GRAP2: variants seen among roughly 807,000 people sequenced by gnomAD.
GRAP2 encodes the protein GRB2 related adaptor protein 2.
In GRAP2, 31 loss-of-function variants were observed where a neutral mutation model predicts 43.5. That is an observed-to-expected ratio of 0.71 (90% confidence interval 0.54 to 0.96). The LOEUF (loss-of-function observed/expected upper bound fraction) is 0.96, where lower values mean the gene tolerates loss of function less well. Among genes scored for constraint, GRAP2 ranks in the 40% least tolerant of loss-of-function variants. The probability of loss-of-function intolerance (pLI) is 0.00; values close to 1 mark genes in which losing one functional copy is unlikely to be tolerated. For synonymous variants in GRAP2, 156 were observed against 164.8 expected, an observed-to-expected ratio of 0.95 and a Z score of 0.41; for missense variants, 371 against 424.4, an observed-to-expected ratio of 0.87 and a Z score of 1.11.
intron 1 of GRAP2, among the ~76,000 whole-genome samples, chr22:39,929,871 C>T (rs1313073561): frequency 6.6e-6 from 1 of 152,144 alleles, no homozygotes; most frequent in Non-Finnish European, 1.5e-5. Context: ...TCTGTATTCC[C>T]TTATCTCAGA....
chr22:39,932,683 A>G (rs1050639964), intron 1 of GRAP2, among the ~76,000 whole-genome samples: 9 of 149,918 alleles, frequency 6.0e-5, no homozygotes, highest in Non-Finnish European at 8.9e-5. Context: ...GCCTCACTGC[A>G]CTCCAGCCTG....
chr22:39,898,628 C>T (rs776987163), upstream of GRAP2, among the ~76,000 whole-genome samples: 23 of 152,276 alleles, frequency 1.5e-4, no homozygotes, highest in South Asian at 1.7e-3. Context: ...GCCTGACCAA[C>T]ATGGCGAAAC....
chr22:39,905,750 G>A (rs1356686222), intron 1 of GRAP2, among the ~76,000 whole-genome samples: 1 of 152,146 alleles, frequency 6.6e-6, no homozygotes, highest in East Asian at 1.9e-4. Flanking sequence ...CGTTGCACAA[G>A]GTCACTTAAC....
intron 5 of GRAP2, among the ~76,000 whole-genome samples, chr22:39,966,836 T>C (rs897420370): frequency 6.6e-6 from 1 of 152,260 alleles, no homozygotes; most frequent in Non-Finnish European, 1.5e-5. Flanking sequence ...GTATCAGTTT[T>C]CTCATCTGTA....
chr22:39,966,289 GAGGTCAGA>G, intron 5 of GRAP2, 131 bp downstream of exon 5: 3 of 697,452 alleles, frequency 4.3e-6, no homozygotes, highest in Non-Finnish European at 7.2e-6. Context: ...TCAGAGCTCT[GAGGTCAGA>G]TCTCAACTTA....
chr22:39,912,424 G>A (rs2267415), intron 1 of GRAP2, among the ~76,000 whole-genome samples: 99,228 of 152,058 alleles, frequency 0.65, 34,026 homozygotes, highest in African/African-American at 0.88. Context: ...CTTGTCTCTG[G>A]AAAAAAAGTA....
chr22:39,938,032 A>G (rs1026300970), intron 1 of GRAP2, among the ~76,000 whole-genome samples: 1 of 152,190 alleles, frequency 6.6e-6, no homozygotes, highest in Non-Finnish European at 1.5e-5. Context: ...ATTAAAGAAG[A>G]GCAAGGTAAT....
At chr22:39,964,678 G>A (rs1460931020) in intron 4 of GRAP2, 10 of 503,286 alleles carry the variant, frequency 2.0e-5, no homozygotes, top group Admixed American at 3.7e-5. Context: ...ATTAAGTGTC[G>A]TCTTGGAGCT....
chr22:39,959,263 G>T (rs1218778625), intron 3 of GRAP2, among the ~76,000 whole-genome samples: 1 of 152,180 alleles, frequency 6.6e-6, no homozygotes, highest in East Asian at 1.9e-4. Context: ...TACATGCCAC[G>T]CTGTATGCAG....
intron 2 of GRAP2, among the ~76,000 whole-genome samples, chr22:39,950,288 C>T (rs1190612795): frequency 6.6e-6 from 1 of 152,240 alleles, no homozygotes; most frequent in Non-Finnish European, 1.5e-5. Flanking sequence ...TCACTCATTT[C>T]CAGGCACTTA....
intron 4 of GRAP2, chr22:39,964,569 A>C: frequency 2.5e-6 from 2 of 813,946 alleles, no homozygotes; most frequent in South Asian, 2.7e-5. Context: ...GCAAAAAATA[A>C]GCTGTTCCTT....
intron 2 of GRAP2, among the ~76,000 whole-genome samples, chr22:39,953,054 G>A (rs1291059530): frequency 2.0e-5 from 3 of 152,090 alleles, no homozygotes; most frequent in Admixed American, 6.6e-5. Flanking sequence ...GTTAGAAATA[G>A]GTCATCATCT....
In GRAP2 at chr22:39,962,230, C is replaced by G. The variant is rs566007249; in HGVS notation, c.290+2056C>G. 2.0e-5 allele frequency among the ~76,000 whole-genome samples: 3 copies of G among 152,200 alleles called. No individual in the cohort carries two copies. In the East Asian group the frequency reaches 5.8e-4, roughly 29 times the overall value. ...TTTAAGCCAAGGAGTTGGAGACCAG[C>G]CGGGGCAACTAGTGAGACCTCATCT... On this transcript the variant is annotated intron_variant, in intron 4 of 7. Coordinates refer to ENST00000344138, the MANE Select transcript of GRAP2 (RefSeq NM_004810.4).
In GRAP2 at chr22:39,972,980, AG is replaced by A. The variant is rs1315513341; in HGVS notation, c.*1899del. The A allele has an allele frequency of 6.5e-6, 1 of 153,360 alleles. No individual in the cohort carries two copies. Among genetic ancestry groups the A allele is most frequent in the African/African-American group, 2.4e-5 (1 of 41,370 alleles). The allele number at this position is 153,360 out of a possible 1,614,324, so 9.5% of individuals were successfully genotyped here. A position where few individuals can be genotyped will look rare whatever the true frequency, so the allele number is the denominator to read the frequency against. On this transcript the variant is annotated 3_prime_UTR_variant, in exon 8 of 8. Transcript: ENST00000344138. ...GTTGGTGGGCAGATGGTGCAGGAGG[AG>A]GGCTGGGCAGTGGGGAGAGGAAGAA...
Position 39,968,177 on chromosome 22 carries a change from C to T in GRAP2, c.595C>T (p.Gln199Ter). The T allele has an allele frequency of 1.2e-6, 2 of 1,610,420 alleles. No homozygotes were observed. Among genetic ancestry groups the T allele is most frequent in the Non-Finnish European group, 1.7e-6 (2 of 1,178,202 alleles). ...HPPTLPLQQH[Q>*]HQPQPPQYAP... ...CCCGACCCTTCCCCTGCAGCAGCACCAGCACCAGCCACAGCCTCCGCAATA... is the reference window on the plus strand; with the variant it reads ...CCCGACCCTTCCCCTGCAGCAGCACTAGCACCAGCCACAGCCTCCGCAATA... The change falls in exon 6 of 8, where the codon CAG becomes TAG. Residue 199 changes from glutamine (Q) to a stop codon, truncating the protein, a stop_gained. Coordinates refer to ENST00000344138, the MANE Select transcript of GRAP2 (RefSeq NM_004810.4). LOFTEE classifies it high-confidence loss of function.
intron 1 of GRAP2, among the ~76,000 whole-genome samples, chr22:39,944,094 A>G (rs959538084): frequency 6.6e-6 from 1 of 151,430 alleles, no homozygotes; most frequent in African/African-American, 2.4e-5. Context: ...AGGCTGTTGC[A>G]CTCCGCCCCC....
chr22:39,956,235 G>A (rs1391957693), intron 3 of GRAP2, among the ~76,000 whole-genome samples: 1 of 149,564 alleles, frequency 6.7e-6, no homozygotes, highest in Non-Finnish European at 1.5e-5. Context: ...ACCACTCACT[G>A]CAGCCTAAAA....
intron 1 of GRAP2, among the ~76,000 whole-genome samples, chr22:39,902,343 G>A (rs969069465): frequency 2.0e-5 from 3 of 152,156 alleles, no homozygotes; most frequent in African/African-American, 7.2e-5. Context: ...GTATTTAGCA[G>A]AAGTTACTCT....
intron 5 of GRAP2, among the ~76,000 whole-genome samples, chr22:39,967,595 GT>G: frequency 6.6e-6 from 1 of 152,212 alleles, no homozygotes; most frequent in Non-Finnish European, 1.5e-5. Context: ...GAATGTTGCT[GT>G]TTGGGTCTCT....
Sources: gnomAD v4.1 joint callset for allele counts (sites outside exome capture counted in the v4.1 genomes callset) on GRCh38, gnomAD v4.1.1 for gene constraint, MANE v1.5 for transcripts, NCBI Gene and HGNC (gene_info 2026-07-23, HGNC 2026-07-21) for gene names.